Variants in SYNGR4 observed in about 807,000 individuals in gnomAD.
The protein encoded by SYNGR4 is synaptogyrin-4.
A neutral mutation model predicts 15.5 loss-of-function variants in SYNGR4; 15 were observed. That is an observed-to-expected ratio of 0.97 (90% confidence interval 0.65 to 1.49). The LOEUF (loss-of-function observed/expected upper bound fraction) is 1.49. SYNGR4 is among the 40% of genes most tolerant of loss of function. The pLI, the probability that SYNGR4 is intolerant of heterozygous loss-of-function variation, is 0.00. For synonymous variants in SYNGR4, 121 were observed against 127.4 expected (o/e 0.95, Z 0.34); for missense variants, 292 against 299.3 (o/e 0.98, Z 0.18).
At chr19:48,372,330 GT>G (rs553557358) in intron 2 of SYNGR4, among the ~76,000 whole-genome samples, 1 of 151,854 alleles carries the variant, frequency 6.6e-6, no homozygotes, top group African/African-American at 2.4e-5. Flanking sequence ...TGTTTCCGTG[GT>G]TTTTTTAGCA....
At position 48,373,487 on chromosome 19, in the gene SYNGR4, AGCTCTTCTCTG is replaced by A; in HGVS notation, c.94-27_94-17del. On this transcript the variant is annotated intron_variant, in intron 2 of 4. Coordinates refer to ENST00000344846, the MANE Select transcript of SYNGR4 (RefSeq NM_012451.4). ...GAGGAGCAGCTTCAGGGAGAGACTG[AGCTCTTCTCTG>A]GCCCCTGGAAATCCACAGGTCTTCT... 6.3e-7 allele frequency: 1 copy of A among 1,582,276 alleles called. No individual in the cohort carries two copies. Among genetic ancestry groups the A allele is most frequent in the South Asian group, 1.1e-5 (1 of 90,468 alleles).
intron 1 of SYNGR4, 66 bp from the exon 2 acceptor site, chr19:48,365,664 AATCCTG>A: frequency 2.7e-5 from 1 of 36,988 alleles, no homozygotes; most frequent in Non-Finnish European, 5.0e-5. Flanking sequence ...CATGTCCCCC[AATCCTG>A]GGGCCCCCAA....
Position 48,373,535 on chromosome 19 carries a change from T to C in SYNGR4, c.112T>C (p.Phe38Leu), listed in dbSNP as rs1970343436. The change falls in exon 3 of 5, where the codon TTC (phenylalanine) becomes CTC (leucine). Residue 38 changes from phenylalanine to leucine, a missense_variant. Transcript: ENST00000344846. ...TCCACAGGTCTTCTCCCTGATCGTC[T>C]TCTCCTCCCTGCTGACCGACGGCTA... ...VFEGVFSLIV[F>L]SSLLTDGYQN... 1 of 1,613,558 alleles carries C rather than the reference T, an allele frequency of 6.2e-7. No homozygotes were observed. Among genetic ancestry groups the C allele is most frequent in the African/African-American group, 1.3e-5 (1 of 74,890 alleles).
At chr19:48,372,798 C>T (rs913188896) in intron 2 of SYNGR4, among the ~76,000 whole-genome samples, 3 of 152,152 alleles carry the variant, frequency 2.0e-5, no homozygotes, top group African/African-American at 2.4e-5. Flanking sequence ...TGTTTCTCTT[C>T]GTATTTTTCT....
At chr19:48,376,038 C>A in intron 4 of SYNGR4, 47 bp from the exon 5 acceptor site, 1 of 1,613,664 alleles carries the variant, frequency 6.2e-7, no homozygotes, top group Non-Finnish European at 8.5e-7. Flanking sequence ...CCTCTCCTGA[C>A]CTGCCCAGCC....
intron 4 of SYNGR4, 108 bp downstream of exon 4, chr19:48,375,860 G>A: frequency 6.5e-7 from 1 of 1,532,926 alleles, no homozygotes; most frequent in Non-Finnish European, 8.7e-7. Context: ...TGGGGGTCAG[G>A]GGTCGGGGGT....
In SYNGR4 at chr19:48,376,258, C is replaced by A; in HGVS notation, c.645C>A (p.Ala215=). Residue 215 remains alanine (A), a synonymous_variant, in exon 5 of 5, where the codon GCC becomes GCA. Transcript: ENST00000344846. Reference sequence around the variant, plus strand: ...ACAGCCTGAGTTATGCTAGCTCTGCCCTGTCCCCCTGTCTGACCGCTCCAA... The same window carrying A: ...ACAGCCTGAGTTATGCTAGCTCTGCACTGTCCCCCTGTCTGACCGCTCCAA... ...GPNSLSYASS[A]LSPCLTAPKS... The A allele has an allele frequency of 1.2e-6, 2 of 1,613,868 alleles. No individual in the cohort carries two copies. Among genetic ancestry groups the A allele is most frequent in the Non-Finnish European group, 1.7e-6 (2 of 1,179,952 alleles).
At position 48,373,609 on chromosome 19, in the gene SYNGR4, C is replaced by T. The variant is rs1467223188; in HGVS notation, c.186C>T (p.Asn62=). The T allele has an allele frequency of 6.2e-7, 1 of 1,613,900 alleles. No individual in the cohort carries two copies. Among genetic ancestry groups the T allele is most frequent in the Non-Finnish European group, 8.5e-7 (1 of 1,180,032 alleles). The change falls in exon 3 of 5, where the codon AAC becomes AAT. Residue 62 remains asparagine (N), a synonymous_variant. Coordinates refer to ENST00000344846, the MANE Select transcript of SYNGR4 (RefSeq NM_012451.4). ...SPQLHCILNS[N]SVACSFAVGA... Reference sequence around the variant, plus strand: ...AGCTCCACTGCATTCTCAACAGCAACAGCGTGGCCTGCAGCTTTGCCGTGG... The same window carrying T: ...AGCTCCACTGCATTCTCAACAGCAATAGCGTGGCCTGCAGCTTTGCCGTGG...
chr19:48,370,098 C>T (rs1308025683), intron 2 of SYNGR4, among the ~76,000 whole-genome samples: 1 of 145,266 alleles, frequency 6.9e-6, no homozygotes, highest in African/African-American at 2.6e-5. Context: ...TCCATCTCCA[C>T]TCTGAAGGGC....
chr19:48,370,739 C>T (rs1244115516), intron 2 of SYNGR4, among the ~76,000 whole-genome samples: 1 of 152,088 alleles, frequency 6.6e-6, no homozygotes, highest in Non-Finnish European at 1.5e-5. Flanking sequence ...AGAAGATTTT[C>T]AACAGTCTGT....
Position 48,373,759 on chromosome 19 carries a change from G to A in SYNGR4, c.331+5G>A, listed in dbSNP as rs774635226. Reference sequence around the variant, plus strand: ...TCCTGGACTTCATCCTGGCTGGTGAGCCCCCAGGACCCCCAACCCAGAGCT... The same window carrying A: ...TCCTGGACTTCATCCTGGCTGGTGAACCCCCAGGACCCCCAACCCAGAGCT... On this transcript the variant is annotated splice_donor_5th_base_variant and intron_variant, in intron 3 of 4. Coordinates refer to ENST00000344846, the MANE Select transcript of SYNGR4 (RefSeq NM_012451.4). 1.9e-6 allele frequency: 3 copies of A among 1,613,154 alleles called. No homozygotes were observed. Among genetic ancestry groups the A allele is most frequent in the Non-Finnish European group, 1.7e-6 (2 of 1,179,626 alleles).
intron 2 of SYNGR4, among the ~76,000 whole-genome samples, chr19:48,370,103 A>C (rs1970281931): frequency 7.3e-6 from 1 of 136,574 alleles, no homozygotes. Flanking sequence ...CTCCACTCTG[A>C]AGGGCAGGGC....
intron 2 of SYNGR4, among the ~76,000 whole-genome samples, chr19:48,370,334 T>C (rs1408217559): frequency 6.6e-6 from 1 of 151,930 alleles, no homozygotes; most frequent in Non-Finnish European, 1.5e-5. Flanking sequence ...AAATTAAATA[T>C]GAGTGAGGCA....
At position 48,374,370 on chromosome 19, in the gene SYNGR4, C is replaced by T. The variant is rs541832850; in HGVS notation, c.331+616C>T. Among the ~76,000 whole-genome samples the T allele has an allele frequency of 5.9e-5, 9 of 152,320 alleles. No individual in the cohort carries two copies. The South Asian group carries it at 1.0e-3, about 18-fold the overall frequency. ...CTGGGATTACAGGCGTGAGCCACCA[C>T]GCCCAGCCAAAGTCTTGCCTCCTAA... On this transcript the variant is annotated intron_variant, in intron 3 of 4. Coordinates refer to ENST00000344846, the MANE Select transcript of SYNGR4 (RefSeq NM_012451.4).
intron 3 of SYNGR4, among the ~76,000 whole-genome samples, chr19:48,374,722 T>A (rs1186784707): frequency 2.6e-5 from 4 of 152,022 alleles, no homozygotes; most frequent in East Asian, 2.0e-4. Flanking sequence ...ACACCTGGAA[T>A]CCCAGCACTT....
intron 2 of SYNGR4, among the ~76,000 whole-genome samples, chr19:48,368,718 T>C (rs1970257617): frequency 6.6e-6 from 1 of 151,448 alleles, no homozygotes; most frequent in Admixed American, 6.6e-5. Context: ...CATTACCGTG[T>C]GTGAGGAGAG....
intron 2 of SYNGR4, among the ~76,000 whole-genome samples, chr19:48,366,315 G>C (rs1390483834): frequency 6.6e-6 from 1 of 151,350 alleles, no homozygotes. Flanking sequence ...ACTCGAACCC[G>C]GGTGGTGGAG....
Position 48,374,933 on chromosome 19 carries a change from G to A in SYNGR4, c.332-680G>A, listed in dbSNP as rs145105612. The stretch of plus-strand genomic sequence containing the variant: ...AGAGCTTGCACTGAGCTGAGATTGC[G>A]CCATGGCACCCCAGCCTCGGCAACA... On this transcript the variant is annotated intron_variant, in intron 3 of 4. Coordinates refer to ENST00000344846, the MANE Select transcript of SYNGR4 (RefSeq NM_012451.4). 3.6e-3 allele frequency among the ~76,000 whole-genome samples: 546 copies of A among 151,106 alleles called. 4 individuals are homozygous for A. Among genetic ancestry groups the A allele is most frequent in the African/African-American group, 0.013 (518 of 41,174 alleles).
intron 2 of SYNGR4, among the ~76,000 whole-genome samples, chr19:48,372,096 GC>G (rs1728916501): frequency 6.6e-6 from 1 of 151,936 alleles, no homozygotes; most frequent in Non-Finnish European, 1.5e-5. Context: ...TGTTGCCCAG[GC>G]TGGTCTCAAA....
Sources: allele counts gnomAD v4.1 joint callset (sites outside exome capture counted in the v4.1 genomes callset), GRCh38; gene constraint gnomAD v4.1.1; transcripts MANE v1.5; gene names NCBI Gene and HGNC (gene_info 2026-07-23, HGNC 2026-07-21).